Variants in ERC1 observed in about 807,000 individuals in gnomAD.
The protein encoded by ERC1 is ELKS/RAB6-interacting/CAST family member 1.
A neutral mutation model predicts 132.0 loss-of-function variants in ERC1; 56 were observed. The observed-to-expected ratio is 0.42, with a 90% CI of 0.34 to 0.53. The LOEUF is 0.53. Among genes scored for constraint, ERC1 ranks in the 20% least tolerant of loss-of-function variants. ERC1 has a pLI of 0.03. For missense variants in ERC1, 1,202 were observed against 1,349.9 expected (o/e 0.89, Z 1.72); for synonymous variants, 478 against 476.1 (o/e 1.00, Z -0.05).
At chr12:1,452,369 T>G (rs2093443346) in intron 18 of ERC1, among the ~76,000 whole-genome samples, 1 of 152,152 alleles carries the variant, frequency 6.6e-6, no homozygotes, top group South Asian at 2.1e-4. Context: ...AATATTCTCT[T>G]TATCTTTAGT....
At chr12:1,043,069 A>G (rs1253654422) in intron 2 of ERC1, among the ~76,000 whole-genome samples, 2 of 142,130 alleles carry the variant, frequency 1.4e-5, no homozygotes, top group Non-Finnish European at 3.0e-5. Flanking sequence ...TTTTAGACAG[A>G]GCCTTGCTCT....
intron 15 of ERC1, among the ~76,000 whole-genome samples, chr12:1,371,282 G>A (rs74057187): frequency 0.023 from 3,509 of 152,172 alleles, 97 homozygotes; most frequent in African/African-American, 0.064. Context: ...AAATGGAATC[G>A]TGCAGTATTT....
intron 18 of ERC1, among the ~76,000 whole-genome samples, chr12:1,472,850 A>G (rs941325811): frequency 3.9e-4 from 59 of 152,342 alleles, no homozygotes; most frequent in African/African-American, 1.4e-3. Context: ...GTAATTACAT[A>G]CTTGAGTTTC....
chr12:1,214,062 T>C (rs1287801729), intron 12 of ERC1, among the ~76,000 whole-genome samples: 1 of 152,212 alleles, frequency 6.6e-6, no homozygotes, highest in Non-Finnish European at 1.5e-5. Context: ...GAATACATGC[T>C]GTTAACCATG....
chr12:1,277,866 A>C (rs1463664849), intron 14 of ERC1, among the ~76,000 whole-genome samples: 2 of 152,226 alleles, frequency 1.3e-5, no homozygotes, highest in Non-Finnish European at 2.9e-5. Context: ...TTAATGTTTC[A>C]GGTACCTAAG....
intron 15 of ERC1, among the ~76,000 whole-genome samples, chr12:1,356,109 T>C (rs1275357898): frequency 6.6e-6 from 1 of 151,018 alleles, no homozygotes; most frequent in East Asian, 1.9e-4. Flanking sequence ...AGGGCTGAGA[T>C]GGGAGGATCG....
chr12:1,197,596 C>T (rs1778139183), intron 12 of ERC1, among the ~76,000 whole-genome samples: 1 of 152,216 alleles, frequency 6.6e-6, no homozygotes, highest in Admixed American at 6.5e-5. Flanking sequence ...AGTTTTTCTA[C>T]ACATGTGCTT....
chr12:1,080,324 T>G (rs1942004131), intron 2 of ERC1, among the ~76,000 whole-genome samples: 1 of 152,232 alleles, frequency 6.6e-6, no homozygotes, highest in Non-Finnish European at 1.5e-5. Context: ...TTCTAGTTCC[T>G]TCTTTATCAA....
chr12:1,080,736 G>A (rs909120286), intron 2 of ERC1, among the ~76,000 whole-genome samples: 9 of 152,050 alleles, frequency 5.9e-5, no homozygotes, highest in African/African-American at 1.9e-4. Context: ...GCCTCATACC[G>A]TGATTCTGAG....
chr12:1,057,034 T>C (rs993345806), intron 2 of ERC1, among the ~76,000 whole-genome samples: 3 of 152,326 alleles, frequency 2.0e-5, no homozygotes, highest in Middle Eastern at 3.4e-3. Context: ...ACATAGGTGA[T>C]GTTATTTTAT....
chr12:1,102,458 A>G (rs1427664488), intron 3 of ERC1, among the ~76,000 whole-genome samples: 1 of 152,220 alleles, frequency 6.6e-6, no homozygotes, highest in Non-Finnish European at 1.5e-5. Context: ...GTAAGTGCTC[A>G]TGGAGCTATG....
rs2094312943 is a variant in ERC1 at position 1,490,955 on chromosome 12, A to G, written c.*725A>G. Reference sequence around the variant, plus strand: ...AAGATGGTGTGAGGTGTTCTCCACCAGTCTCTCCTGTTTGAGACTGTTGAC... The same window carrying G: ...AAGATGGTGTGAGGTGTTCTCCACCGGTCTCTCCTGTTTGAGACTGTTGAC... On this transcript the variant is annotated 3_prime_UTR_variant, in exon 19 of 19. Coordinates refer to ENST00000360905, the MANE Select transcript of ERC1 (RefSeq NM_178040.4). 4.3e-6 allele frequency: 1 copy of G among 232,718 alleles called. No individual in the cohort carries two copies. Among genetic ancestry groups the G allele is most frequent in the Non-Finnish European group, 8.5e-6 (1 of 117,774 alleles). 14.4% of individuals were successfully genotyped at this position (232,718 alleles called of 1,614,324 possible).
intron 2 of ERC1, among the ~76,000 whole-genome samples, chr12:1,044,030 A>G (rs1970704377): frequency 1.3e-5 from 2 of 152,008 alleles, no homozygotes; most frequent in Admixed American, 6.5e-5. Flanking sequence ...TGTGCATTTC[A>G]GGATAGTGAA....
At chr12:1,361,840 T>C (rs1408775195) in intron 15 of ERC1, among the ~76,000 whole-genome samples, 1 of 152,164 alleles carries the variant, frequency 6.6e-6, no homozygotes, top group Admixed American at 6.5e-5. Context: ...CTGTATGAAG[T>C]ATGGGGGAAA....
intron 1 of ERC1, among the ~76,000 whole-genome samples, chr12:1,022,834 T>C (rs1290849533): frequency 6.6e-6 from 1 of 152,142 alleles, no homozygotes; most frequent in Non-Finnish European, 1.5e-5. Flanking sequence ...GCCAGGCTGG[T>C]CTTGAACTCC....
chr12:1,424,348 G>A (rs954743541), intron 17 of ERC1, among the ~76,000 whole-genome samples: 2 of 152,118 alleles, frequency 1.3e-5, no homozygotes, highest in African/African-American at 2.4e-5. Flanking sequence ...TCATAAATAC[G>A]ACACCTTATG....
intron 15 of ERC1, among the ~76,000 whole-genome samples, chr12:1,330,150 C>T (rs2082754235): frequency 6.6e-6 from 1 of 152,204 alleles, no homozygotes. Context: ...CTGTGAAATG[C>T]ATAAACAACA....
intron 2 of ERC1, among the ~76,000 whole-genome samples, chr12:1,066,876 C>T (rs11830345): frequency 6.4e-4 from 97 of 150,586 alleles, no homozygotes; most frequent in African/African-American, 2.2e-3. Context: ...GATCTTATTA[C>T]GAACTTATGT....
intron 8 of ERC1, among the ~76,000 whole-genome samples, chr12:1,172,487 A>C (rs1034465344): frequency 6.6e-6 from 1 of 152,142 alleles, no homozygotes; most frequent in Admixed American, 6.5e-5. Flanking sequence ...ACAAACAAAT[A>C]TGTATTTCTT....
Sources: allele counts gnomAD v4.1 joint callset (sites outside exome capture counted in the v4.1 genomes callset), GRCh38; gene constraint gnomAD v4.1.1; transcripts MANE v1.5; gene names NCBI Gene and HGNC (gene_info 2026-07-23, HGNC 2026-07-21).